The following LPAR3 variants were observed in gnomAD, a reference collection of about 807,000 sequenced individuals.
LPAR3 encodes LPA receptor 3.
A neutral mutation model predicts 17.8 loss-of-function variants in LPAR3; 7 were observed. The observed-to-expected ratio is 0.39, with a 90% CI of 0.22 to 0.74. The LOEUF (loss-of-function observed/expected upper bound fraction) is 0.74, where lower values mean the gene tolerates loss of function less well. Ranked by LOEUF, LPAR3 falls within the 30% of genes least tolerant of loss-of-function variation. LPAR3 has a pLI of 0.40. For synonymous variants in LPAR3, 179 were observed against 179.9 expected, an observed-to-expected ratio of 0.99 and a Z score of 0.04; for missense variants, 391 against 453.4, an observed-to-expected ratio of 0.86 and a Z score of 1.25.
At chr1:84,853,036 G>A (rs1387307823) in intron 2 of LPAR3, among the ~76,000 whole-genome samples, 1 of 151,506 alleles carries the variant, frequency 6.6e-6, no homozygotes, top group African/African-American at 2.4e-5. Context: ...CAGAAGGATC[G>A]CTTGAGCTCA....
intron 2 of LPAR3, among the ~76,000 whole-genome samples, chr1:84,845,349 A>C (rs1278541319): frequency 1.3e-5 from 2 of 152,240 alleles, no homozygotes; most frequent in Non-Finnish European, 2.9e-5. Flanking sequence ...CGACTTTTAC[A>C]GATGAGGAAA....
intron 1 of LPAR3, among the ~76,000 whole-genome samples, chr1:84,881,128 G>C (rs887664491): frequency 1.3e-5 from 2 of 152,120 alleles, no homozygotes; most frequent in Admixed American, 6.5e-5. Flanking sequence ...TTAAAACAGA[G>C]GTTAGAGAAG....
Position 84,813,158 on chromosome 1 carries a change from T to TATAGAGAGAGAGAGAGAG in LPAR3, c.*687_*688insCTCTCTCTCTCTCTCTAT, listed in dbSNP as rs1206774677. 18 of 101,692 alleles carry TATAGAGAGAGAGAGAGAG rather than the reference T, an allele frequency of 1.8e-4. No homozygotes were observed. In the East Asian group the frequency reaches 1.9e-3, roughly 11 times the overall value. The allele number at this position is 101,692 out of a possible 1,614,324, so 6.3% of individuals were successfully genotyped here. On this transcript the variant is annotated 3_prime_UTR_variant, in exon 3 of 3. Transcript: ENST00000370611. Reference sequence around the variant, plus strand: ...ATATATATATATATATATATATATATAGACACACACACACACACACACACA... The same window carrying TATAGAGAGAGAGAGAGAG: ...ATATATATATATATATATATATATATATAGAGAGAGAGAGAGAGAGACACACACACACACACACACACA...
intron 2 of LPAR3, among the ~76,000 whole-genome samples, chr1:84,836,831 T>C (rs1276740500): frequency 6.6e-6 from 1 of 152,172 alleles, no homozygotes; most frequent in African/African-American, 2.4e-5. Context: ...TCCTGCAAAT[T>C]AAAAGCCCTA....
rs145323644 is a variant in LPAR3 at position 84,887,854 on chromosome 1, C to T, written c.-19+5162G>A. Among the ~76,000 whole-genome samples the T allele has an allele frequency of 3.9e-3, 588 of 152,122 alleles. 7 individuals are homozygous for T. Among genetic ancestry groups the T allele is most frequent in the African/African-American group, 0.014 (561 of 41,474 alleles). On this transcript the variant is annotated intron_variant, in intron 1 of 2. Coordinates refer to ENST00000370611, the MANE Select transcript of LPAR3 (RefSeq NM_012152.3). The stretch of plus-strand genomic sequence containing the variant: ...TAGGAACAGGGAAAGTCTGAGGAAC[C>T]GTTCCAGAAGAGACATGGTAACTAA...
intron 1 of LPAR3, among the ~76,000 whole-genome samples, chr1:84,888,805 G>A (rs910717693): frequency 2.6e-5 from 4 of 152,202 alleles, no homozygotes; most frequent in Admixed American, 6.5e-5. Flanking sequence ...CTGCACATGG[G>A]TGAGTCAAGG....
intron 1 of LPAR3, among the ~76,000 whole-genome samples, chr1:84,885,728 C>T (rs1012811581): frequency 3.9e-5 from 6 of 152,100 alleles, no homozygotes; most frequent in Non-Finnish European, 7.3e-5. Flanking sequence ...GGCCTGGCAG[C>T]CGAGGACAAG....
chr1:84,869,641 G>T (rs1296529212), intron 1 of LPAR3, among the ~76,000 whole-genome samples: 1 of 152,064 alleles, frequency 6.6e-6, no homozygotes, highest in African/African-American at 2.4e-5. Context: ...AAGAATGGTG[G>T]AACTGTGAGT....
chr1:84,830,121 G>A (rs1282199342), intron 2 of LPAR3, among the ~76,000 whole-genome samples: 1 of 152,140 alleles, frequency 6.6e-6, no homozygotes, highest in Non-Finnish European at 1.5e-5. Context: ...CAATTCCCAG[G>A]GAGAAAAGTT....
intron 2 of LPAR3, among the ~76,000 whole-genome samples, chr1:84,832,119 G>C (rs1659295598): frequency 6.6e-6 from 1 of 152,034 alleles, no homozygotes; most frequent in Non-Finnish European, 1.5e-5. Flanking sequence ...CATGCAGCAA[G>C]CTCAAATACA....
chr1:84,822,401 C>T (rs1570857369), intron 2 of LPAR3, among the ~76,000 whole-genome samples: 1 of 152,070 alleles, frequency 6.6e-6, no homozygotes, highest in East Asian at 1.9e-4. Flanking sequence ...AATTACAGCA[C>T]TGAGATGATA....
At chr1:84,822,849 T>C (rs934447062) in intron 2 of LPAR3, among the ~76,000 whole-genome samples, 4 of 152,222 alleles carry the variant, frequency 2.6e-5, no homozygotes, top group Non-Finnish European at 5.9e-5. Flanking sequence ...TCAAAGAACG[T>C]TGACATATGA....
chr1:84,892,214 A>AAAT (rs1660565322), intron 1 of LPAR3, among the ~76,000 whole-genome samples: 3 of 135,600 alleles, frequency 2.2e-5, no homozygotes, highest in Admixed American at 7.2e-5. Flanking sequence ...CTGTGTCTCA[A>AAAT]AAATAAATAA....
rs751200234 is a variant in LPAR3, at chr1:84,858,504, AC to A, written c.736+6880del. 2.5e-4 allele frequency among the ~76,000 whole-genome samples: 30 copies of A among 120,446 alleles called. 1 individual carries two copies. Among genetic ancestry groups the A allele is most frequent in the Non-Finnish European group, 4.0e-4 (22 of 54,538 alleles). The allele number at this position is 120,446 out of a possible 152,430, so 79.0% of individuals were successfully genotyped here. A position where few individuals can be genotyped will look rare whatever the true frequency, so the allele number is the denominator to read the frequency against. ...GTCTCAAAAAAAAAAAAAAAAAAAA[AC>A]CTAAAAAACACGATTCTTACCTATT... On this transcript the variant is annotated intron_variant, in intron 2 of 2. Coordinates refer to ENST00000370611, the MANE Select transcript of LPAR3 (RefSeq NM_012152.3).
chr1:84,851,429 C>T (rs77682148), intron 2 of LPAR3, among the ~76,000 whole-genome samples: 6,898 of 152,214 alleles, frequency 0.045, 191 homozygotes, highest in Middle Eastern at 0.085. Flanking sequence ...CTACTGTGTG[C>T]CAGGCACTGT....
At chr1:84,872,444 T>C (rs1660172591) in intron 1 of LPAR3, among the ~76,000 whole-genome samples, 1 of 152,086 alleles carries the variant, frequency 6.6e-6, no homozygotes, top group Non-Finnish European at 1.5e-5. Flanking sequence ...AATAGAGACC[T>C]CTCTCTATTA....
At chr1:84,874,539 A>G (rs1660218850) in intron 1 of LPAR3, among the ~76,000 whole-genome samples, 1 of 152,234 alleles carries the variant, frequency 6.6e-6, no homozygotes, top group African/African-American at 2.4e-5. Context: ...ATTAAACAGG[A>G]AAGCAAACAT....
At chr1:84,837,861 G>A (rs1324941240) in intron 2 of LPAR3, among the ~76,000 whole-genome samples, 1 of 152,000 alleles carries the variant, frequency 6.6e-6, no homozygotes, top group African/African-American at 2.4e-5. Context: ...ACAAAACCAG[G>A]GTATCTGTTA....
intron 2 of LPAR3, among the ~76,000 whole-genome samples, chr1:84,860,997 C>G (rs1446062921): frequency 2.0e-5 from 3 of 152,074 alleles, no homozygotes; most frequent in Admixed American, 2.0e-4. Flanking sequence ...CCTCGGCCTC[C>G]CAGAGTGCTA....
Sources: gnomAD v4.1 joint callset for allele counts (sites outside exome capture counted in the v4.1 genomes callset) on GRCh38, gnomAD v4.1.1 for gene constraint, MANE v1.5 for transcripts, NCBI Gene and HGNC (gene_info 2026-07-23, HGNC 2026-07-21) for gene names.